ITGA6: variants seen among roughly 807,000 people sequenced by gnomAD.
ITGA6 encodes integrin alpha-6.
ITGA6 carries 63 observed loss-of-function variants against 133.6 expected under a neutral mutation model. The observed-to-expected ratio is 0.47, with a 90% CI of 0.38 to 0.58. The LOEUF is 0.58. ITGA6 is among the 20% of genes least tolerant of loss of function. The pLI is 0.00. For missense variants in ITGA6, 1,068 were observed against 1,309.4 expected, an observed-to-expected ratio of 0.82 and a Z score of 2.85; for synonymous variants, 434 against 482.0, an observed-to-expected ratio of 0.90 and a Z score of 1.30.
intron 11 of ITGA6, among the ~76,000 whole-genome samples, chr2:172,482,674 C>T (rs533967333): frequency 6.6e-6 from 1 of 152,248 alleles, no homozygotes; most frequent in African/African-American, 2.4e-5. Flanking sequence ...TTATCTGGTT[C>T]ATTGTGAAGC....
chr2:172,495,219 C>T (rs1284486971), intron 23 of ITGA6, among the ~76,000 whole-genome samples: 1 of 152,212 alleles, frequency 6.6e-6, no homozygotes, highest in East Asian at 1.9e-4. Flanking sequence ...GAATTTAATG[C>T]ATCAACAGAG....
chr2:172,503,131 A>G (rs554398269), intron 25 of ITGA6, among the ~76,000 whole-genome samples: 2 of 152,268 alleles, frequency 1.3e-5, no homozygotes, highest in South Asian at 4.1e-4. Context: ...TCCTGTTACT[A>G]TTGACGTCAC....
intron 1 of ITGA6, among the ~76,000 whole-genome samples, chr2:172,431,742 G>A (rs1023438265): frequency 2.6e-5 from 4 of 152,204 alleles, no homozygotes; most frequent in Non-Finnish European, 5.9e-5. Flanking sequence ...AACGGGCAGC[G>A]AGACTTACAG....
Position 172,474,256 on chromosome 2 carries a change from A to G in ITGA6, c.977A>G (p.Asn326Ser). ...TATGATGTGGCGGTGGTGGACCTCA[A>G]CAAGGATGGGTGAGAAAGCCTCAGG... is the stretch of plus-strand genomic sequence containing the variant. ...FGYDVAVVDLNKDGWQDIVIG... is the reference protein window; with the variant it reads ...FGYDVAVVDLSKDGWQDIVIG... Residue 326 changes from asparagine to serine, a missense_variant, in exon 6 of 26, where the codon AAC becomes AGC. Asn to Ser is a conservative substitution (Grantham distance 46). This residue lies in a region of ITGA6 where 317 missense variants were observed against 456.9 expected (regional missense o/e 0.69). Transcript: ENST00000684293. The G allele has an allele frequency of 6.2e-7, 1 of 1,613,852 alleles. No individual in the cohort carries two copies. The highest frequency in any genetic ancestry group is 1.3e-5 in the African/African-American group (1 of 75,056).
intron 5 of ITGA6, 104 bp downstream of exon 5, chr2:172,471,209 GC>G: frequency 7.4e-7 from 1 of 1,354,788 alleles, no homozygotes; most frequent in Non-Finnish European, 1.0e-6. Flanking sequence ...CTGAGAAGAG[GC>G]CAGGTGGGGC....
At chr2:172,503,787 AT>A in intron 25 of ITGA6, 1 of 195,272 alleles carries the variant, frequency 5.1e-6, no homozygotes. Context: ...ATTTTTAAAT[AT>A]GGAAGCACTG....
Position 172,505,954 on chromosome 2 carries a change from G to C in ITGA6, c.*1886G>C, listed in dbSNP as rs755165346. On this transcript the variant is annotated 3_prime_UTR_variant, in exon 26 of 26. Transcript: ENST00000684293. The stretch of plus-strand genomic sequence containing the variant: ...ATACTTTGACAGTGTTTTTAGACCT[G>C]TGTTACTAAAAAAAAGATGAATGTC... 6.6e-6 allele frequency: 1 copy of C among 151,846 alleles called. No individual in the cohort carries two copies. The highest frequency in any genetic ancestry group is 1.5e-5 in the Non-Finnish European group (1 of 67,772). The allele number at this position is 151,846 out of a possible 1,614,324, so 9.4% of individuals were successfully genotyped here.
chr2:172,478,063 T>C (rs1372724240), intron 9 of ITGA6, among the ~76,000 whole-genome samples: 1 of 76,714 alleles, frequency 1.3e-5, no homozygotes, highest in African/African-American at 5.4e-5. Flanking sequence ...GAAATGTCTG[T>C]TAAAATTCTA....
At position 172,427,877 on chromosome 2, in the gene ITGA6, A is replaced by C; in HGVS notation, c.89A>C (p.Glu30Ala). 6.2e-7 allele frequency: 1 copy of C among 1,606,618 alleles called. No homozygotes were observed. Among genetic ancestry groups the C allele is most frequent in the South Asian group, 1.1e-5 (1 of 90,060 alleles). Reference sequence around the variant, plus strand: ...GCAGCCTTCAACTTGGACACTCGGGAGGACAACGTGATCCGGAAATATGGA... The same window carrying C: ...GCAGCCTTCAACTTGGACACTCGGGCGGACAACGTGATCCGGAAATATGGA... ...LGAAFNLDTR[E>A]DNVIRKYGDP... Residue 30 changes from glutamate (E) to alanine (A), a missense_variant, in exon 1 of 26, where the codon GAG (glutamate) becomes GCG (alanine). Glu to Ala is a moderately radical substitution (Grantham distance 107). Transcript: ENST00000684293.
chr2:172,438,337 CG>C (rs1284515511), intron 1 of ITGA6, among the ~76,000 whole-genome samples: 1 of 151,542 alleles, frequency 6.6e-6, no homozygotes, highest in Non-Finnish European at 1.5e-5. Flanking sequence ...GAAGAAAGGT[CG>C]GATGAGGGGC....
At chr2:172,437,473 T>A (rs796471053) in intron 1 of ITGA6, among the ~76,000 whole-genome samples, 3 of 152,220 alleles carry the variant, frequency 2.0e-5, no homozygotes, top group African/African-American at 7.2e-5. Context: ...TGTCCAAAGT[T>A]TTTGACCTGA....
At chr2:172,482,789 A>G (rs1686503275) in intron 11 of ITGA6, among the ~76,000 whole-genome samples, 6 of 152,228 alleles carry the variant, frequency 3.9e-5, no homozygotes, top group Admixed American at 3.9e-4. Flanking sequence ...AGATGGACAC[A>G]AAAATTACTA....
At chr2:172,480,249 C>T (rs1014576409) in intron 11 of ITGA6, among the ~76,000 whole-genome samples, 198 bp downstream of exon 11, 6 of 152,168 alleles carry the variant, frequency 3.9e-5, no homozygotes, top group Non-Finnish European at 5.9e-5. Context: ...TCCACTTGGT[C>T]GCCATTTGAG....
chr2:172,498,045 T>C lies in ITGA6; in HGVS notation c.3059T>C (p.Val1020Ala), dbSNP rs745717763. The C allele has an allele frequency of 6.2e-7, 1 of 1,613,102 alleles. No homozygotes were observed. Residue 1020 changes from valine (V) to alanine (A), a missense_variant, in exon 24 of 26, where the codon GTG becomes GCG. By Grantham distance (64) the Val-to-Ala change is moderately conservative. This residue lies in a region of ITGA6 where 609 missense variants were observed against 707.2 expected (regional missense o/e 0.86). Transcript: ENST00000684293. Reference sequence around the variant, plus strand: ...GGAGTACCTTGGTGGATCATCCTAGTGGCTATTCTCGCTGGGATCTTGATG... The same window carrying C: ...GGAGTACCTTGGTGGATCATCCTAGCGGCTATTCTCGCTGGGATCTTGATG... ...YSGVPWWIIL[V>A]AILAGILMLA...
chr2:172,427,761 C>G lies in ITGA6; in HGVS notation c.-28C>G. ...GGAGCGCAGGGCGGCCGCTGCAGGT[C>G]CCCGCTCCCCTCCCCGTGCGTCCGC... On this transcript the variant is annotated 5_prime_UTR_variant, in exon 1 of 26. Transcript: ENST00000684293. 1.9e-6 allele frequency: 3 copies of G among 1,555,234 alleles called. No individual in the cohort carries two copies. The highest frequency in any genetic ancestry group is 1.2e-5 in the South Asian group (1 of 84,884).
chr2:172,473,971 A>G (rs1686053537), intron 5 of ITGA6, 84 bp from the exon 6 acceptor site: 1 of 885,062 alleles, frequency 1.1e-6, no homozygotes, highest in East Asian at 2.5e-5. Context: ...AAGCCAGAGG[A>G]AGAGGTAATG....
chr2:172,453,518 C>G (rs1042055203), intron 1 of ITGA6, among the ~76,000 whole-genome samples: 6 of 152,100 alleles, frequency 3.9e-5, no homozygotes, highest in African/African-American at 1.4e-4. Context: ...AAAACCCTGT[C>G]TCAGAAAGAA....
intron 1 of ITGA6, among the ~76,000 whole-genome samples, chr2:172,437,775 C>CCAGAAAAGTCAAGTGACAG (rs1553525602): frequency 2.8e-4 from 42 of 151,970 alleles, no homozygotes; most frequent in Admixed American, 3.3e-4. Flanking sequence ...AGGCCTGAGC[C>CCAGAAAAGTCAAGTGACAG]CTATGGTGTT....
At chr2:172,437,201 T>G (rs1053560760) in intron 1 of ITGA6, among the ~76,000 whole-genome samples, 12 of 152,080 alleles carry the variant, frequency 7.9e-5, no homozygotes, top group African/African-American at 2.7e-4. Flanking sequence ...CTGAGAAGAG[T>G]AGGACATGTC....
Sources: gnomAD v4.1 joint callset for allele counts (sites outside exome capture counted in the v4.1 genomes callset) on GRCh38, gnomAD v4.1.1 for gene constraint, gnomAD v4.1.1 regional missense constraint, MANE v1.5 for transcripts, NCBI Gene and HGNC (gene_info 2026-07-23, HGNC 2026-07-21) for gene names.